Variants in AGMO observed in about 807,000 individuals in gnomAD.
AGMO encodes the protein alkylglycerol monooxygenase.
In AGMO, 75 loss-of-function variants were observed where a neutral mutation model predicts 60.2. The observed-to-expected ratio is 1.25, with a 90% CI of 1.03 to 1.51. The LOEUF is 1.51. Ranked by LOEUF, AGMO falls within the 40% of genes most tolerant of loss-of-function variation. The probability of loss-of-function intolerance (pLI) is 0.00; values close to 1 mark genes in which losing one functional copy is unlikely to be tolerated. For missense variants in AGMO, 763 were observed against 525.5 expected, an observed-to-expected ratio of 1.45 and a Z score of -4.42; for synonymous variants, 261 against 177.1, an observed-to-expected ratio of 1.47 and a Z score of -3.76.
chr7:15,524,857 C>T lies in AGMO; in HGVS notation c.409+19915G>A, dbSNP rs1471881565. On this transcript the variant is annotated intron_variant, in intron 3 of 12. Transcript: ENST00000342526. ...AGCCTGGGGAACAAAAGCAAAATTC[C>T]ATCTCAAAAAAAAAAAAAAGAAAGA... 3.5e-5 allele frequency among the ~76,000 whole-genome samples: 3 copies of T among 84,790 alleles called. No homozygotes were observed. The East Asian group carries it at 1.5e-3, about 41-fold the overall frequency. The allele number at this position is 84,790 out of a possible 152,430, so 55.6% of individuals were successfully genotyped here. A position where few individuals can be genotyped will look rare whatever the true frequency, so the allele number is the denominator to read the frequency against.
intron 3 of AGMO, among the ~76,000 whole-genome samples, chr7:15,506,045 C>A (rs1438069037): frequency 6.6e-6 from 1 of 151,724 alleles, no homozygotes; most frequent in African/African-American, 2.4e-5. Context: ...TCAAAACTAC[C>A]TAGAAAGAAC....
At chr7:15,187,900 C>A in the AGMO span, among the ~76,000 whole-genome samples, 1 of 20,278 alleles carries the variant, frequency 4.9e-5, no homozygotes, top group African/African-American at 3.6e-4. Context: ...AGGATTAACT[C>A]CCCCCCGACT....
the AGMO span, among the ~76,000 whole-genome samples, chr7:15,138,650 A>T: frequency 6.6e-6 from 1 of 152,236 alleles, no homozygotes; most frequent in Admixed American, 6.5e-5. Context: ...GAAGCAGAAT[A>T]AACCGTTTTC....
At chr7:15,239,130 C>G (rs1008567725) in intron 12 of AGMO, among the ~76,000 whole-genome samples, 1 of 152,070 alleles carries the variant, frequency 6.6e-6, no homozygotes, top group African/African-American at 2.4e-5. Flanking sequence ...GCCTGCTCTC[C>G]AAGCACCATC....
chr7:15,299,855 A>G (rs1398380249), intron 12 of AGMO, among the ~76,000 whole-genome samples: 2 of 150,348 alleles, frequency 1.3e-5, no homozygotes, highest in East Asian at 3.9e-4. Flanking sequence ...ACACACACAC[A>G]CACACACACA....
intron 3 of AGMO, among the ~76,000 whole-genome samples, chr7:15,447,383 C>G (rs1781728074): frequency 1.3e-5 from 2 of 152,230 alleles, no homozygotes; most frequent in African/African-American, 4.8e-5. Context: ...GGAATGAACA[C>G]TTGCAACATT....
At chr7:15,280,896 G>T (rs1017720869) in intron 12 of AGMO, among the ~76,000 whole-genome samples, 2 of 152,164 alleles carry the variant, frequency 1.3e-5, no homozygotes, top group Non-Finnish European at 2.9e-5. Context: ...TGTAGATAGA[G>T]TCTACATCAC....
At position 15,441,688 on chromosome 7, in the gene AGMO, T is replaced by A. The variant is rs191597639; in HGVS notation, c.410-10580A>T. On this transcript the variant is annotated intron_variant, in intron 3 of 12. Transcript: ENST00000342526. ...CACGTTTGCCTGCGGTAAGACACAA[T>A]GAACTTCTACCATATTATATTTGGA... 2.6e-5 allele frequency among the ~76,000 whole-genome samples: 4 copies of A among 152,258 alleles called. No individual in the cohort carries two copies. The East Asian group carries it at 7.7e-4, about 29-fold the overall frequency.
intron 5 of AGMO, among the ~76,000 whole-genome samples, chr7:15,395,356 T>A (rs999477224): frequency 6.6e-6 from 1 of 152,146 alleles, no homozygotes; most frequent in Middle Eastern, 3.2e-3. Flanking sequence ...TTAAAAAAAA[T>A]TTAAGATGCA....
At chr7:15,194,821 A>G in the AGMO span, among the ~76,000 whole-genome samples, 8 of 152,046 alleles carry the variant, frequency 5.3e-5, no homozygotes, top group Non-Finnish European at 1.0e-4. Context: ...GCCAGGTTCC[A>G]TTTTTAGATG....
Position 15,493,362 on chromosome 7 carries a change from C to CACACTT in AGMO, c.409+51409_409+51410insAAGTGT, listed in dbSNP as rs71004386. ...ACACACACACACACACACACACACA[C>CACACTT]TTCTTTTTTTTTTTTTTTTTTTTTT... On this transcript the variant is annotated intron_variant, in intron 3 of 12. Coordinates refer to ENST00000342526, the MANE Select transcript of AGMO (RefSeq NM_001004320.2). Among the ~76,000 whole-genome samples the CACACTT allele has an allele frequency of 4.0e-4, 41 of 102,254 alleles. 13 individuals are homozygous for CACACTT. Among genetic ancestry groups the CACACTT allele is most frequent in the East Asian group, 1.2e-3 (4 of 3,294 alleles). The allele number at this position is 102,254 out of a possible 152,430, so 67.1% of individuals were successfully genotyped here. A position where few individuals can be genotyped will look rare whatever the true frequency, so the allele number is the denominator to read the frequency against.
At chr7:15,219,883 T>C (rs1248922705) in intron 12 of AGMO, among the ~76,000 whole-genome samples, 1 of 152,126 alleles carries the variant, frequency 6.6e-6, no homozygotes, top group East Asian at 1.9e-4. Context: ...CTCCTGATAA[T>C]CCCCTAACAT....
At chr7:15,370,464 C>G (rs1460500019) in intron 10 of AGMO, among the ~76,000 whole-genome samples, 1 of 152,160 alleles carries the variant, frequency 6.6e-6, no homozygotes, top group East Asian at 1.9e-4. Flanking sequence ...TGAGAAATTT[C>G]CAAACTGCTT....
Position 15,381,361 on chromosome 7 carries a change from G to T in AGMO, c.1074+4085C>A, listed in dbSNP as rs899876379. ...AAGACAAGCAATCCCATAAAAAAGT[G>T]GGCGAAGAACACGAACCTTTCAAAA... On this transcript the variant is annotated intron_variant, in intron 10 of 12. Transcript: ENST00000342526. Among the ~76,000 whole-genome samples the T allele has an allele frequency of 2.0e-5, 3 of 151,872 alleles. No homozygotes were observed. In the East Asian group the frequency reaches 5.8e-4, roughly 29 times the overall value.
chr7:15,134,063 T>C, the AGMO span, among the ~76,000 whole-genome samples: 1 of 152,180 alleles, frequency 6.6e-6, no homozygotes, highest in African/African-American at 2.4e-5. Flanking sequence ...CGGAGGTACG[T>C]GTGCAGGTTT....
At chr7:15,342,172 T>TAAAAAAAAAAAAA (rs775057626) in intron 12 of AGMO, among the ~76,000 whole-genome samples, 685 of 54,282 alleles carry the variant, frequency 0.013, 60 homozygotes, top group Non-Finnish European at 0.015. Flanking sequence ...CCCACAGAGT[T>TAAAAAAAAAAAAA]AAAAAAAAAA....
chr7:15,136,771 G>A, the AGMO span, among the ~76,000 whole-genome samples: 7 of 151,856 alleles, frequency 4.6e-5, no homozygotes, highest in East Asian at 9.7e-4. Context: ...GTGTGCACGC[G>A]TGCGTATTTA....
At chr7:15,349,792 G>T (rs945932443) in intron 12 of AGMO, among the ~76,000 whole-genome samples, 1 of 152,118 alleles carries the variant, frequency 6.6e-6, no homozygotes. Flanking sequence ...GTCAAGTGAA[G>T]TGGGGAAAAC....
chr7:15,334,837 A>G (rs1426872527), intron 12 of AGMO, among the ~76,000 whole-genome samples: 1 of 152,142 alleles, frequency 6.6e-6, no homozygotes, highest in Non-Finnish European at 1.5e-5. Flanking sequence ...TGTGTGCTAT[A>G]TTTTAAACAA....
Sources: allele counts gnomAD v4.1 joint callset (sites outside exome capture counted in the v4.1 genomes callset), GRCh38; gene constraint gnomAD v4.1.1; transcripts MANE v1.5; gene names NCBI Gene and HGNC (gene_info 2026-07-23, HGNC 2026-07-21).